ENAM: variants seen among roughly 807,000 people sequenced by gnomAD.
ENAM encodes amelogenesis imperfecta 2, hypocalcification (autosomal dominant).
In ENAM, 21 loss-of-function variants were observed where a neutral mutation model predicts 33.6. The ratio of observed to expected loss-of-function variants is 0.63; its 90% CI spans 0.44 to 0.90. The LOEUF is 0.90. Ranked by LOEUF, ENAM falls within the 40% of genes least tolerant of loss-of-function variation. ENAM has a pLI of 0.00. For synonymous variants in ENAM, 473 were observed against 468.4 expected (o/e 1.01, Z -0.13); for missense variants, 1,388 against 1,366.9 (o/e 1.02, Z -0.24).
Position 70,635,856 on chromosome 4 carries a change from C to G in ENAM, c.496C>G (p.Leu166Val). ...PQAFPPFGNG[L>V]FPYQQPPWQI... is the part of the protein sequence containing the mutation. ...GGCATTCCCACCATTTGGAAATGGG[C>G]TATTCCCCTATCAACAACCACCATG... The change falls in exon 7 of 9, where the codon CTA becomes GTA. Residue 166 changes from leucine (L) to valine (V), a missense_variant. Physicochemically the swap from Leu to Val is conservative, Grantham distance 32. Coordinates refer to ENST00000396073, the MANE Select transcript of ENAM (RefSeq NM_031889.3). 6.2e-7 allele frequency: 1 copy of G among 1,608,546 alleles called. No individual in the cohort carries two copies. Among genetic ancestry groups the G allele is most frequent in the Admixed American group, 1.7e-5 (1 of 59,948 alleles).
At chr4:70,629,691 G>C (rs1738262455) in intron 2 of ENAM, 137 bp downstream of exon 2, 1 of 776,614 alleles carries the variant, frequency 1.3e-6, no homozygotes, top group South Asian at 1.4e-5. Flanking sequence ...AGATGGAATG[G>C]AAGAAGAACT....
In ENAM at chr4:70,645,197, T is replaced by G; in HGVS notation, c.*342T>G. On this transcript the variant is annotated 3_prime_UTR_variant, in exon 9 of 9. Coordinates refer to ENST00000396073, the MANE Select transcript of ENAM (RefSeq NM_031889.3). ...AAAGTTCCATACTTGCAAAATTGGT[T>G]TTTCAAGACTGAAAGGCAGATTAAC... 2.1e-6 allele frequency: 1 copy of G among 466,800 alleles called. No homozygotes were observed. The highest frequency in any genetic ancestry group is 3.9e-6 in the Non-Finnish European group (1 of 259,190). The allele number at this position is 466,800 out of a possible 1,614,324, so 28.9% of individuals were successfully genotyped here.
rs146896901 is a variant in ENAM, at chr4:70,643,358, C to T, written c.1932C>T (p.Asp644=). The T allele has an allele frequency of 4.7e-5, 76 of 1,613,868 alleles. No individual in the cohort carries two copies. Among genetic ancestry groups the T allele is most frequent in the Non-Finnish European group, 6.4e-5 (75 of 1,179,944 alleles). The change falls in exon 9 of 9, where the codon GAC becomes GAT. Residue 644 remains aspartate, a synonymous_variant. Coordinates refer to ENST00000396073, the MANE Select transcript of ENAM (RefSeq NM_031889.3). ...CACTCTACCCCATAAATACCCCAGA[C>T]CAGAAGGAGATAGTCCCTTATAATG... ...ESPLYPINTP[D]QKEIVPYNEE...
At chr4:70,640,584 A>G (rs1738573197) in intron 8 of ENAM, among the ~76,000 whole-genome samples, 1 of 152,132 alleles carries the variant, frequency 6.6e-6, no homozygotes, top group African/African-American at 2.4e-5. Context: ...TTATTATTAT[A>G]TAATATATAA....
rs1738639765 is a variant in ENAM, at chr4:70,642,896, A to G, written c.1470A>G (p.Gln490=). The G allele has an allele frequency of 6.2e-7, 1 of 1,614,158 alleles. No homozygotes were observed. Among genetic ancestry groups the G allele is most frequent in the Non-Finnish European group, 8.5e-7 (1 of 1,180,028 alleles). The change falls in exon 9 of 9, where the codon CAA becomes CAG. Residue 490 remains glutamine (Q), a synonymous_variant. Transcript: ENST00000396073. ...TCCCAAATTTTAATTCTGTTGATCA[A>G]CATGAAAACTCCTATTACCCAAGAG... ...MPVPNFNSVD[Q]HENSYYPRGD... is the part of the protein sequence containing the mutation.
rs190692214 is a variant in ENAM, at chr4:70,645,070, A to G, written c.*215A>G. 24 of 574,426 alleles carry G rather than the reference A, an allele frequency of 4.2e-5. No individual in the cohort carries two copies. The highest frequency in any genetic ancestry group is 7.1e-5 in the Non-Finnish European group (23 of 323,190). 35.6% of individuals were successfully genotyped at this position (574,426 alleles called of 1,614,324 possible). ...ATCTAGCACTTTCACAGATTAGTGC[A>G]GACCTTAAAAAAGCAAGAAGGCCAT... On this transcript the variant is annotated 3_prime_UTR_variant, in exon 9 of 9. Transcript: ENST00000396073.
At chr4:70,630,346 G>A (rs1738279396) in intron 2 of ENAM, among the ~76,000 whole-genome samples, 1 of 152,160 alleles carries the variant, frequency 6.6e-6, no homozygotes, top group African/African-American at 2.4e-5. Flanking sequence ...TCCAGAAAAG[G>A]AAGAAAGAAT....
chr4:70,644,638 G>C lies in ENAM; in HGVS notation c.3212G>C (p.Gly1071Ala). The C allele has an allele frequency of 1.2e-6, 2 of 1,613,988 alleles. No individual in the cohort carries two copies. The highest frequency in any genetic ancestry group is 1.7e-6 in the Non-Finnish European group (2 of 1,179,948). The change falls in exon 9 of 9, where the codon GGA becomes GCA. Residue 1071 changes from glycine to alanine, a missense_variant. Physicochemically the swap from Gly to Ala is moderately conservative, Grantham distance 60. Coordinates refer to ENST00000396073, the MANE Select transcript of ENAM (RefSeq NM_031889.3). ...GCAAAGCATCACTCTTCCACCACCG[G>C]AACTCCATCTAGCGATGGAAGGCAA... ...KLAKHHSSTT[G>A]TPSSDGRQSP...
At chr4:70,635,302 G>A (rs923214741) in intron 6 of ENAM, among the ~76,000 whole-genome samples, 8 of 152,138 alleles carry the variant, frequency 5.3e-5, no homozygotes, top group Admixed American at 2.0e-4. Flanking sequence ...GCTTGAACCC[G>A]GGAGGTGGAG....
In ENAM at chr4:70,645,648, C is replaced by G. The variant is rs187932454; in HGVS notation, c.*793C>G. 1 of 152,208 alleles carries G rather than the reference C, an allele frequency of 6.6e-6. No individual in the cohort carries two copies. Among genetic ancestry groups the G allele is most frequent in the East Asian group, 1.9e-4 (1 of 5,190 alleles). The allele number at this position is 152,208 out of a possible 1,614,324, so 9.4% of individuals were successfully genotyped here. A position where few individuals can be genotyped will look rare whatever the true frequency, so the allele number is the denominator to read the frequency against. On this transcript the variant is annotated 3_prime_UTR_variant, in exon 9 of 9. Transcript: ENST00000396073. ...TCAATTTATCTTTTTCCCTGTTACACCATTTTCATCTTAAGACTGCATGTC... is the reference window on the plus strand; with the variant it reads ...TCAATTTATCTTTTTCCCTGTTACAGCATTTTCATCTTAAGACTGCATGTC...
In ENAM at chr4:70,643,529, C is replaced by G. The variant is rs767234040; in HGVS notation, c.2103C>G (p.Pro701=). Residue 701 remains proline (P), a synonymous_variant, in exon 9 of 9, where the codon CCC becomes CCG. Transcript: ENST00000396073. ...CAAATCAGCCAAAGGAATATCTTCCCTATTCTTTAGATAATCCATCAAAAC... is the reference window on the plus strand; with the variant it reads ...CAAATCAGCCAAAGGAATATCTTCCGTATTCTTTAGATAATCCATCAAAAC... ...YTSNQPKEYL[P]YSLDNPSKPR... is the part of the protein sequence containing the mutation. 1 of 1,613,948 alleles carries G rather than the reference C, an allele frequency of 6.2e-7. No homozygotes were observed. The highest frequency in any genetic ancestry group is 1.1e-5 in the South Asian group (1 of 91,066).
At position 70,642,023 on chromosome 4, in the gene ENAM, C is replaced by A. The variant is rs777331980; in HGVS notation, c.597C>A (p.Tyr199Ter). ...PISNEEGGNP[Y>*]FGYFGYHGFG... ...CATTTTCTTTCCTACAGAATCCTTACTTTGGATATTTTGGATATCATGGCT... is the reference window on the plus strand; with the variant it reads ...CATTTTCTTTCCTACAGAATCCTTAATTTGGATATTTTGGATATCATGGCT... Residue 199 changes from tyrosine to a stop codon, truncating the protein, a stop_gained, in exon 9 of 9, where the codon TAC (tyrosine) becomes TAA (stop). Transcript: ENST00000396073. LOFTEE classifies it low-confidence loss of function (END_TRUNC). 6.2e-7 allele frequency: 1 copy of A among 1,611,604 alleles called. No homozygotes were observed. The highest frequency in any genetic ancestry group is 1.7e-5 in the Admixed American group (1 of 60,024).
chr4:70,628,774 C>A lies in ENAM; in HGVS notation c.-251C>A, dbSNP rs1306541661. 6.6e-6 allele frequency: 1 copy of A among 152,120 alleles called. No homozygotes were observed. Among genetic ancestry groups the A allele is most frequent in the Non-Finnish European group, 1.5e-5 (1 of 68,016 alleles). 9.4% of individuals were successfully genotyped at this position (152,120 alleles called of 1,614,324 possible). ...TATTTTGAGCCTTTTTGATACTGAA[C>A]ATGATATCTGAGTGAAGAATTTTTG... On this transcript the variant is annotated 5_prime_UTR_variant, in exon 1 of 9. Transcript: ENST00000396073.
Position 70,643,289 on chromosome 4 carries a change from T to C in ENAM, c.1863T>C (p.Asp621=). The C allele has an allele frequency of 6.2e-7, 1 of 1,614,006 alleles. No individual in the cohort carries two copies. Among genetic ancestry groups the C allele is most frequent in the Non-Finnish European group, 8.5e-7 (1 of 1,179,930 alleles). The change falls in exon 9 of 9, where the codon GAT becomes GAC. Residue 621 remains aspartate (D), a synonymous_variant. Transcript: ENST00000396073. ...CATACCTTAGAGGCAATACATGGGA[T>C]GAGAGAGATGATTCTCCCAATACTA... ...NSPYLRGNTW[D]ERDDSPNTMG...
At chr4:70,634,229 T>C (rs886116067) in intron 5 of ENAM, 79 bp from the exon 6 acceptor site, 5 of 1,432,752 alleles carry the variant, frequency 3.5e-6, no homozygotes, top group African/African-American at 1.4e-5. Flanking sequence ...GGCTGAGTTT[T>C]AGAGGCTGAC....
intron 7 of ENAM, among the ~76,000 whole-genome samples, chr4:70,636,920 A>G (rs1455991411): frequency 1.3e-5 from 2 of 152,240 alleles, no homozygotes; most frequent in Non-Finnish European, 1.5e-5. Flanking sequence ...TGAACTAAAG[A>G]AATGTTAAAG....
rs747536578 is a variant in ENAM at position 70,643,864 on chromosome 4, C to A, written c.2438C>A (p.Thr813Asn). 1.2e-6 allele frequency: 2 copies of A among 1,614,198 alleles called. No individual in the cohort carries two copies. The highest frequency in any genetic ancestry group is 2.2e-5 in the East Asian group (1 of 44,880). ...QKGNQPYYSN[T>N]PAGLQKNPIW... ...GGTAACCAGCCCTATTACAGTAACACCCCAGCTGGGCTTCAGAAAAATCCA... is the reference window on the plus strand; with the variant it reads ...GGTAACCAGCCCTATTACAGTAACAACCCAGCTGGGCTTCAGAAAAATCCA... The change falls in exon 9 of 9, where the codon ACC becomes AAC. Residue 813 changes from threonine (T) to asparagine (N), a missense_variant. Thr to Asn is a moderately conservative substitution (Grantham distance 65). Coordinates refer to ENST00000396073, the MANE Select transcript of ENAM (RefSeq NM_031889.3).
chr4:70,638,449 CTTTTT>C (rs766513652), intron 8 of ENAM, among the ~76,000 whole-genome samples: 3 of 58,902 alleles, frequency 5.1e-5, no homozygotes, highest in Non-Finnish European at 9.6e-5. Flanking sequence ...ACAGATTGTT[CTTTTT>C]TTTTTTTTTT....
At chr4:70,634,950 C>A (rs1738414302) in intron 6 of ENAM, among the ~76,000 whole-genome samples, 1 of 152,190 alleles carries the variant, frequency 6.6e-6, no homozygotes, top group Non-Finnish European at 1.5e-5. Context: ...GAAGTTTCAT[C>A]CAAATCTGTG....
Sources: gnomAD v4.1 joint callset for allele counts (sites outside exome capture counted in the v4.1 genomes callset) on GRCh38, gnomAD v4.1.1 for gene constraint, MANE v1.5 for transcripts, NCBI Gene and HGNC (gene_info 2026-07-23, HGNC 2026-07-21) for gene names.